Variants in NEGR1 observed in about 807,000 individuals in gnomAD.
The protein encoded by NEGR1 is IgLON family member 4.
In NEGR1, 10 loss-of-function variants were observed where a neutral mutation model predicts 40.9. The observed-to-expected ratio is 0.24, with a 90% CI of 0.15 to 0.42. NEGR1 has a LOEUF of 0.42. NEGR1 is among the 10% of genes least tolerant of loss of function. The pLI, the probability that NEGR1 is intolerant of heterozygous loss-of-function variation, is 1.00. For synonymous variants in NEGR1, 185 were observed against 166.8 expected, an observed-to-expected ratio of 1.11 and a Z score of -0.84; for missense variants, 352 against 438.9, an observed-to-expected ratio of 0.80 and a Z score of 1.77.
intron 2 of NEGR1, among the ~76,000 whole-genome samples, chr1:71,840,519 C>T (rs1659200826): frequency 6.6e-6 from 1 of 152,060 alleles, no homozygotes; most frequent in South Asian, 2.1e-4. Context: ...TCTCTTTCTC[C>T]ATTGTTATAC....
intron 1 of NEGR1, among the ~76,000 whole-genome samples, chr1:72,260,996 T>C (rs1655435629): frequency 6.6e-6 from 1 of 152,094 alleles, no homozygotes; most frequent in African/African-American, 2.4e-5. Context: ...GTTATGGCTT[T>C]TGTTTATATT....
chr1:71,854,780 AACTC>A (rs1345556158), intron 2 of NEGR1, among the ~76,000 whole-genome samples: 1 of 152,064 alleles, frequency 6.6e-6, no homozygotes, highest in African/African-American at 2.4e-5. Flanking sequence ...ATCTTGTGAG[AACTC>A]ACTCACTATC....
chr1:71,704,803 C>CA (rs1291017898), intron 3 of NEGR1, among the ~76,000 whole-genome samples: 1 of 151,270 alleles, frequency 6.6e-6, no homozygotes, highest in Non-Finnish European at 1.5e-5. Context: ...AATATCAGGA[C>CA]AAAAAATATC....
At chr1:72,113,032 T>G (rs1649438640) in intron 1 of NEGR1, among the ~76,000 whole-genome samples, 1 of 151,812 alleles carries the variant, frequency 6.6e-6, no homozygotes, top group South Asian at 2.1e-4. Context: ...GTTTTGGATT[T>G]AAATTTATTT....
At chr1:71,842,893 TCA>T (rs1395334225) in intron 2 of NEGR1, among the ~76,000 whole-genome samples, 1 of 152,180 alleles carries the variant, frequency 6.6e-6, no homozygotes, top group African/African-American at 2.4e-5. Flanking sequence ...CAGAATGTTG[TCA>T]CCAAGTTAAA....
chr1:71,566,666 G>C (rs1648627673), intron 6 of NEGR1, among the ~76,000 whole-genome samples: 1 of 152,142 alleles, frequency 6.6e-6, no homozygotes, highest in Non-Finnish European at 1.5e-5. Context: ...TGGCTATGCA[G>C]GCCAAATGAT....
chr1:71,508,395 G>A (rs1414703730), intron 6 of NEGR1, among the ~76,000 whole-genome samples: 2 of 152,172 alleles, frequency 1.3e-5, no homozygotes, highest in African/African-American at 4.8e-5. Flanking sequence ...TTAACTTTGA[G>A]AAAAATCTAC....
chr1:72,082,895 C>A (rs1648063127), intron 1 of NEGR1, among the ~76,000 whole-genome samples: 1 of 152,094 alleles, frequency 6.6e-6, no homozygotes. Context: ...AATCAAGCTG[C>A]AATCTAAAAA....
At chr1:71,572,651 C>A (rs907373602) in intron 6 of NEGR1, among the ~76,000 whole-genome samples, 5 of 152,072 alleles carry the variant, frequency 3.3e-5, no homozygotes, top group African/African-American at 1.2e-4. Flanking sequence ...GGTATATATT[C>A]ATTTAAATTC....
chr1:72,117,560 G>A (rs1275324198), intron 1 of NEGR1, among the ~76,000 whole-genome samples: 1 of 151,718 alleles, frequency 6.6e-6, no homozygotes. Flanking sequence ...AAATCCAGTG[G>A]TGCCTGGACA....
intron 6 of NEGR1, among the ~76,000 whole-genome samples, chr1:71,579,547 T>C (rs1418433557): frequency 6.6e-6 from 1 of 151,666 alleles, no homozygotes; most frequent in Non-Finnish European, 1.5e-5. Flanking sequence ...GAAAACAAAA[T>C]AATACAACTA....
chr1:71,692,320 T>C (rs1192818199), intron 4 of NEGR1, among the ~76,000 whole-genome samples: 1 of 151,280 alleles, frequency 6.6e-6, no homozygotes, highest in Non-Finnish European at 1.5e-5. Context: ...CAGAAGAGTA[T>C]CCTAAATTAC....
At chr1:71,714,714 C>G (rs1040762337) in intron 3 of NEGR1, among the ~76,000 whole-genome samples, 1 of 152,226 alleles carries the variant, frequency 6.6e-6, no homozygotes, top group Non-Finnish European at 1.5e-5. Flanking sequence ...TCATCCAGAC[C>G]ATGCTAATGC....
chr1:72,215,245 C>T (rs1448934693), intron 1 of NEGR1, among the ~76,000 whole-genome samples: 2 of 151,968 alleles, frequency 1.3e-5, no homozygotes, highest in Non-Finnish European at 2.9e-5. Flanking sequence ...AATGTAAAAC[C>T]CCAAACCATA....
chr1:71,466,676 G>C (rs1396779765), intron 6 of NEGR1, among the ~76,000 whole-genome samples: 1 of 152,096 alleles, frequency 6.6e-6, no homozygotes, highest in Non-Finnish European at 1.5e-5. Context: ...AGAGTGTGAA[G>C]CACTGAGGTG....
In NEGR1 at chr1:71,406,928, G is replaced by T. The variant is rs1646281408; in HGVS notation, c.*518C>A. ...CTGAAACCTGAATATCATGCGAGCA[G>T]AAAAATCTAGATATGTGTTATATTT... On this transcript the variant is annotated 3_prime_UTR_variant, in exon 7 of 7. Coordinates refer to ENST00000357731, the MANE Select transcript of NEGR1 (RefSeq NM_173808.3). 1 of 152,382 alleles carries T rather than the reference G, an allele frequency of 6.6e-6. No homozygotes were observed. The highest frequency in any genetic ancestry group is 1.5e-5 in the Non-Finnish European group (1 of 67,972). 9.4% of individuals were successfully genotyped at this position (152,382 alleles called of 1,614,324 possible). A position where few individuals can be genotyped will look rare whatever the true frequency, so the allele number is the denominator to read the frequency against.
chr1:71,992,291 AAAG>A (rs1313394064), intron 1 of NEGR1, among the ~76,000 whole-genome samples: 3 of 152,198 alleles, frequency 2.0e-5, no homozygotes, highest in Non-Finnish European at 4.4e-5. Context: ...TATAAAAATT[AAAG>A]AAGAATTTAT....
At chr1:72,271,185 A>C (rs1655831526) in intron 1 of NEGR1, among the ~76,000 whole-genome samples, 1 of 151,922 alleles carries the variant, frequency 6.6e-6, no homozygotes, top group African/African-American at 2.4e-5. Context: ...GCAAATAAGC[A>C]AAAGCAACTT....
Position 71,961,971 on chromosome 1 carries a change from C to G in NEGR1, c.177-26660G>C, listed in dbSNP as rs74088739. On this transcript the variant is annotated intron_variant, in intron 1 of 6. Transcript: ENST00000357731. ...TTTTTGTAAGGCTTAATGAAATAAT[C>G]AAGTTTGGGGGCTACATTAAGAGTG... 3.4e-3 allele frequency among the ~76,000 whole-genome samples: 516 copies of G among 152,018 alleles called. 2 individuals carry two copies. The highest frequency in any genetic ancestry group is 0.012 in the African/African-American group (492 of 41,510).
Sources: gnomAD v4.1 joint callset for allele counts (sites outside exome capture counted in the v4.1 genomes callset) on GRCh38, gnomAD v4.1.1 for gene constraint, MANE v1.5 for transcripts, NCBI Gene and HGNC (gene_info 2026-07-23, HGNC 2026-07-21) for gene names.